DNAAF1: variants seen among roughly 807,000 people sequenced by gnomAD.
DNAAF1 encodes the protein dynein assembly factor 1, axonemal.
DNAAF1 carries 65 observed loss-of-function variants against 71.1 expected under a neutral mutation model. The ratio of observed to expected loss-of-function variants is 0.91; its 90% CI spans 0.75 to 1.12. The LOEUF is 1.12. Ranked by LOEUF, DNAAF1 falls within the 50% of genes most tolerant of loss-of-function variation. DNAAF1 has a pLI of 0.00. For missense variants in DNAAF1, 1,178 were observed against 899.8 expected (o/e 1.31, Z -3.96); for synonymous variants, 414 against 354.6 (o/e 1.17, Z -1.88).
In DNAAF1 at chr16:84,166,256, T is replaced by C. The variant is rs186685216; in HGVS notation, c.1030+307T>C. ...TTAGTAGAGATGGGATTTCGCCATG[T>C]TGTCCAGGCTCGTCTCGAACTCCTG... is the stretch of plus-strand genomic sequence containing the variant. On this transcript the variant is annotated intron_variant, in intron 7 of 11. Coordinates refer to ENST00000378553, the MANE Select transcript of DNAAF1 (RefSeq NM_178452.6). 1.1e-3 allele frequency among the ~76,000 whole-genome samples: 171 copies of C among 152,226 alleles called. 2 individuals are homozygous for C. Among genetic ancestry groups the C allele is most frequent in the African/African-American group, 3.8e-3 (159 of 41,554 alleles).
chr16:84,175,915 C>T lies in DNAAF1; in HGVS notation c.1699-18C>T. ...TGTGAAAACAGAAACTTTCAGACAC[C>T]TTTTCTTCTGTAAATAGAATATGTG... On this transcript the variant is annotated intron_variant, in intron 10 of 11. Transcript: ENST00000378553. 6.2e-7 allele frequency: 1 copy of T among 1,613,438 alleles called. No homozygotes were observed. Among genetic ancestry groups the T allele is most frequent in the Non-Finnish European group, 8.5e-7 (1 of 1,179,932 alleles).
rs745576531 is a variant in DNAAF1, at chr16:84,155,545, T to A, written c.575-38T>A. On this transcript the variant is annotated intron_variant, in intron 4 of 11. Coordinates refer to ENST00000378553, the MANE Select transcript of DNAAF1 (RefSeq NM_178452.6). Reference sequence around the variant, plus strand: ...GTGCCTGGCCCAAGAAGCATTTTTATGCCTTTGTTTTTGACTTCTGCTGAC... The same window carrying A: ...GTGCCTGGCCCAAGAAGCATTTTTAAGCCTTTGTTTTTGACTTCTGCTGAC... The A allele has an allele frequency of 1.9e-6, 3 of 1,612,640 alleles. No individual in the cohort carries two copies. In the South Asian group the frequency reaches 3.3e-5, roughly 18 times the overall value.
At chr16:84,176,448 C>G in intron 11 of DNAAF1, 149 bp downstream of exon 11, 1 of 1,258,886 alleles carries the variant, frequency 7.9e-7, no homozygotes, top group South Asian at 1.3e-5. Flanking sequence ...CTCTGAAGGT[C>G]CCATTCCTGA....
At chr16:84,167,720 AAG>A (rs2088099838) in intron 7 of DNAAF1, among the ~76,000 whole-genome samples, 1 of 152,188 alleles carries the variant, frequency 6.6e-6, no homozygotes, top group African/African-American at 2.4e-5. Flanking sequence ...AGTGGCTTAA[AAG>A]AATACAAATC....
At chr16:84,177,300 CA>C (rs2088763338) in intron 11 of DNAAF1, 1 of 276,202 alleles carries the variant, frequency 3.6e-6, no homozygotes, top group African/African-American at 2.2e-5. Context: ...TTGTTTGAGA[CA>C]GTCTCGCACT....
At chr16:84,155,211 A>G (rs919456458) in intron 4 of DNAAF1, among the ~76,000 whole-genome samples, 5 of 149,932 alleles carry the variant, frequency 3.3e-5, no homozygotes, top group African/African-American at 1.2e-4. Context: ...CCCAGCCAAG[A>G]AGTGTTTTTG....
intron 9 of DNAAF1, chr16:84,173,553 G>C (rs1401071571): frequency 1.0e-6 from 1 of 984,836 alleles, no homozygotes; most frequent in Admixed American, 6.2e-5. Context: ...AGAAACAAAG[G>C]CCAGGTGTGG....
chr16:84,145,727 G>T (rs1036610948), intron 1 of DNAAF1, among the ~76,000 whole-genome samples, 163 bp downstream of exon 1: 8 of 152,164 alleles, frequency 5.3e-5, no homozygotes, highest in Admixed American at 5.2e-4. Flanking sequence ...TCGCCATTTC[G>T]TACTGAGGAG....
At chr16:84,164,660 TCACCTA>T in intron 6 of DNAAF1, among the ~76,000 whole-genome samples, 1 of 152,244 alleles carries the variant, frequency 6.6e-6, no homozygotes, top group East Asian at 1.9e-4. Flanking sequence ...GTTTATCCAT[TCACCTA>T]CTAAAAGACA....
intron 2 of DNAAF1, among the ~76,000 whole-genome samples, chr16:84,149,802 A>G (rs1162680824): frequency 6.6e-6 from 1 of 151,880 alleles, no homozygotes; most frequent in East Asian, 1.9e-4. Flanking sequence ...AGGTGGGTGG[A>G]TCACCTGACG....
Position 84,170,127 on chromosome 16 carries a change from C to T in DNAAF1, c.1299C>T (p.Asp433=), listed in dbSNP as rs141074491. The part of the protein sequence containing the change: ...LSSPVEVKGE[D]GDGEPEGTLP... ...CACCTGTGGAGGTTAAAGGAGAGGA[C>T]GGAGATGGAGAGCCAGAGGGGACCC... The change falls in exon 8 of 12, where the codon GAC becomes GAT. Residue 433 remains aspartate, a synonymous_variant. Coordinates refer to ENST00000378553, the MANE Select transcript of DNAAF1 (RefSeq NM_178452.6). 483 of 1,569,810 alleles carry T rather than the reference C, an allele frequency of 3.1e-4. 3 individuals are homozygous for T. The highest frequency in any genetic ancestry group is 4.2e-4 in the Admixed American group (24 of 57,410).
At chr16:84,172,686 G>A in intron 9 of DNAAF1, 1 of 1,225,252 alleles carries the variant, frequency 8.2e-7, no homozygotes, top group Non-Finnish European at 1.0e-6. Flanking sequence ...TGCCAAAGAA[G>A]CTATCTTGCT....
chr16:84,172,026 C>T (rs553366812), intron 8 of DNAAF1, among the ~76,000 whole-genome samples: 6 of 152,034 alleles, frequency 3.9e-5, no homozygotes, highest in Non-Finnish European at 5.9e-5. Flanking sequence ...TACAGGTGCC[C>T]GCCACCACAC....
chr16:84,147,636 TA>T (rs200478476), intron 1 of DNAAF1, among the ~76,000 whole-genome samples: 2,677 of 152,118 alleles, frequency 0.018, 52 homozygotes, highest in Non-Finnish European at 0.025. Context: ...AGAAATTTTT[TA>T]AAAGACAAAA....
intron 7 of DNAAF1, among the ~76,000 whole-genome samples, chr16:84,169,162 C>T (rs1000581275): frequency 2.1e-5 from 3 of 143,730 alleles, no homozygotes; most frequent in Non-Finnish European, 4.5e-5. Context: ...CAACCTCTGT[C>T]TCCTGGGTTC....
At chr16:84,155,208 A>C (rs755575646) in intron 4 of DNAAF1, among the ~76,000 whole-genome samples, 14 of 150,610 alleles carry the variant, frequency 9.3e-5, no homozygotes, top group South Asian at 4.2e-4. Context: ...ATGCCCAGCC[A>C]AGAAGTGTTT....
chr16:84,174,889 T>C lies in DNAAF1; in HGVS notation c.1698+167T>C, dbSNP rs62049864. On this transcript the variant is annotated intron_variant, in intron 10 of 11. Coordinates refer to ENST00000378553, the MANE Select transcript of DNAAF1 (RefSeq NM_178452.6). Reference sequence around the variant, plus strand: ...CTTTTCTTTTCAGGCAGAGTCTGGCTCTGTCACCCAGGCTGCAGTGCAATA... The same window carrying C: ...CTTTTCTTTTCAGGCAGAGTCTGGCCCTGTCACCCAGGCTGCAGTGCAATA... 285,200 of 894,782 alleles carry C rather than the reference T, an allele frequency of 0.32. 48,322 individuals are homozygous for C. The highest frequency in any genetic ancestry group is 0.43 in the Admixed American group (20,472 of 47,492). The allele number at this position is 894,782 out of a possible 1,614,324, so 55.4% of individuals were successfully genotyped here. A position where few individuals can be genotyped will look rare whatever the true frequency, so the allele number is the denominator to read the frequency against.
chr16:84,162,657 A>G (rs541769592), intron 6 of DNAAF1, among the ~76,000 whole-genome samples: 1 of 152,038 alleles, frequency 6.6e-6, no homozygotes, highest in Admixed American at 6.6e-5. Flanking sequence ...CATCTCTACT[A>G]AAAATACAAA....
rs531506849 is a variant in DNAAF1 at position 84,164,674 on chromosome 16, A to C, written c.864-1109A>C. Among the ~76,000 whole-genome samples, 79 of 152,288 alleles carry C rather than the reference A, an allele frequency of 5.2e-4. 2 individuals carry two copies. The highest frequency in any genetic ancestry group is 1.7e-3 in the African/African-American group (71 of 41,558). On this transcript the variant is annotated intron_variant, in intron 6 of 11. Coordinates refer to ENST00000378553, the MANE Select transcript of DNAAF1 (RefSeq NM_178452.6). The stretch of plus-strand genomic sequence containing the variant: ...TGTTTATCCATTCACCTACTAAAAG[A>C]CATCTTGGTCACTTCTAGTTTTTGC...
Sources: gnomAD v4.1 joint callset for allele counts (sites outside exome capture counted in the v4.1 genomes callset) on GRCh38, gnomAD v4.1.1 for gene constraint, MANE v1.5 for transcripts, NCBI Gene and HGNC (gene_info 2026-07-23, HGNC 2026-07-21) for gene names.